BBOX1: variants seen among roughly 807,000 people sequenced by gnomAD.
BBOX1 encodes the protein gamma-butyrobetaine hydroxylase 1.
Under a neutral mutation model 41.6 loss-of-function variants are expected in BBOX1, and 35 were observed. The observed-to-expected ratio is 0.84, with a 90% CI of 0.64 to 1.11. BBOX1 has a LOEUF of 1.11. Among genes scored for constraint, BBOX1 ranks in the 50% most tolerant of loss-of-function variants. BBOX1 has a pLI of 0.00. For missense variants in BBOX1, 458 were observed against 460.6 expected (o/e 0.99, Z 0.05); for synonymous variants, 163 against 154.7 (o/e 1.05, Z -0.40).
At chr11:27,064,925 A>G in intron 4 of BBOX1, among the ~76,000 whole-genome samples, 1 of 151,946 alleles carries the variant, frequency 6.6e-6, no homozygotes, top group East Asian at 1.9e-4. Flanking sequence ...AAACAACAAA[A>G]AAAACATCTC....
intron 6 of BBOX1, among the ~76,000 whole-genome samples, chr11:27,118,182 C>G (rs1241061662): frequency 1.3e-5 from 2 of 151,886 alleles, no homozygotes; most frequent in South Asian, 2.1e-4. Flanking sequence ...TATAAAGAGG[C>G]AAAGAAGTGC....
At chr11:27,109,145 T>C (rs1198805940) in intron 5 of BBOX1, among the ~76,000 whole-genome samples, 2 of 152,074 alleles carry the variant, frequency 1.3e-5, no homozygotes, top group Non-Finnish European at 2.9e-5. Flanking sequence ...TTAAAAATTA[T>C]AACCATCTTC....
chr11:27,057,440 G>A (rs1482626940), intron 4 of BBOX1, 125 bp downstream of exon 4: 4 of 731,728 alleles, frequency 5.5e-6, no homozygotes, highest in Non-Finnish European at 8.9e-6. Context: ...TGTAAATTAT[G>A]TGGTGTATTT....
intron 4 of BBOX1, among the ~76,000 whole-genome samples, chr11:27,083,254 T>C (rs1857914417): frequency 6.6e-6 from 1 of 152,096 alleles, no homozygotes. Context: ...TCTGAAAACC[T>C]TCAGTGTTGG....
At chr11:27,123,213 C>T (rs1168461626) in intron 7 of BBOX1, among the ~76,000 whole-genome samples, 2 of 151,912 alleles carry the variant, frequency 1.3e-5, no homozygotes, top group Non-Finnish European at 2.9e-5. Context: ...CTGTGTTACA[C>T]TATAACACAC....
At chr11:27,085,290 G>C (rs1236009058) in intron 4 of BBOX1, among the ~76,000 whole-genome samples, 1 of 152,068 alleles carries the variant, frequency 6.6e-6, no homozygotes, top group Non-Finnish European at 1.5e-5. Flanking sequence ...CAAATTGAAG[G>C]CTTGTAGCAA....
chr11:27,056,940 C>T (rs1856998257), intron 3 of BBOX1, among the ~76,000 whole-genome samples: 1 of 151,152 alleles, frequency 6.6e-6, no homozygotes, highest in Non-Finnish European at 1.5e-5. Flanking sequence ...GTGTCGCGTG[C>T]CTGTAATCCC....
chr11:27,063,588 A>G (rs1325550218), intron 4 of BBOX1, among the ~76,000 whole-genome samples: 1 of 151,558 alleles, frequency 6.6e-6, no homozygotes, highest in Admixed American at 6.6e-5. Context: ...TGAAGAAAAT[A>G]TTTTATTTCC....
At chr11:27,088,171 G>T (rs572599081) in intron 4 of BBOX1, among the ~76,000 whole-genome samples, 1 of 152,110 alleles carries the variant, frequency 6.6e-6, no homozygotes, top group African/African-American at 2.4e-5. Context: ...TATGTAGTGT[G>T]TGCCCTAATC....
At chr11:27,054,994 G>A (rs1413436211) in intron 2 of BBOX1, among the ~76,000 whole-genome samples, 2 of 152,150 alleles carry the variant, frequency 1.3e-5, no homozygotes, top group Non-Finnish European at 2.9e-5. Flanking sequence ...GTGGGCACCA[G>A]TTAAAATAGG....
intron 3 of BBOX1, 44 bp downstream of exon 3, chr11:27,055,693 T>C: frequency 6.5e-7 from 1 of 1,536,096 alleles, no homozygotes; most frequent in Non-Finnish European, 9.0e-7. Context: ...TCAAGTTCAA[T>C]AATGGGGCTA....
intron 2 of BBOX1, among the ~76,000 whole-genome samples, chr11:27,051,896 C>CT (rs886851588): frequency 1.3e-5 from 2 of 151,610 alleles, no homozygotes. Flanking sequence ...TATTTAAGAT[C>CT]TTTTTTTATT....
chr11:27,115,417 A>T, intron 5 of BBOX1, 35 bp from the exon 6 acceptor site: 1 of 1,548,048 alleles, frequency 6.5e-7, no homozygotes, highest in South Asian at 1.2e-5. Context: ...GCTTAGTGAC[A>T]ACCTGTTTAA....
intron 4 of BBOX1, among the ~76,000 whole-genome samples, chr11:27,091,735 G>C (rs1026328839): frequency 2.6e-5 from 4 of 152,032 alleles, no homozygotes; most frequent in African/African-American, 9.6e-5. Context: ...CCAGTGGCTG[G>C]ATATCACCTC....
At chr11:27,105,759 C>T (rs907816415) in intron 5 of BBOX1, among the ~76,000 whole-genome samples, 4 of 151,956 alleles carry the variant, frequency 2.6e-5, no homozygotes, top group African/African-American at 9.7e-5. Context: ...AGATACTCCT[C>T]GAGAACAGCA....
At chr11:27,104,238 C>T (rs576048807) in intron 5 of BBOX1, among the ~76,000 whole-genome samples, 36 of 152,128 alleles carry the variant, frequency 2.4e-4, no homozygotes, top group Non-Finnish European at 5.1e-4. Context: ...CACATTGCCC[C>T]ACTGCACTGT....
intron 4 of BBOX1, among the ~76,000 whole-genome samples, chr11:27,067,371 T>C (rs1400056569): frequency 6.6e-6 from 1 of 152,054 alleles, no homozygotes; most frequent in African/African-American, 2.4e-5. Context: ...TTCTTACCTC[T>C]TCTCACGCTC....
At position 27,055,098 on chromosome 11, in the gene BBOX1, T is replaced by C. The variant is rs529870842; in HGVS notation, c.-38-295T>C. On this transcript the variant is annotated intron_variant, in intron 2 of 8. Coordinates refer to ENST00000263182, the MANE Select transcript of BBOX1 (RefSeq NM_003986.3). ...GCAAACATAATTATTAAAGTGCATATGTCATTGGTTCTGAACTTAATATCT... is the reference window on the plus strand; with the variant it reads ...GCAAACATAATTATTAAAGTGCATACGTCATTGGTTCTGAACTTAATATCT... 3.3e-5 allele frequency: 7 copies of C among 209,066 alleles called. No homozygotes were observed. In the South Asian group the frequency reaches 8.6e-4, roughly 26 times the overall value. 13.0% of individuals were successfully genotyped at this position (209,066 alleles called of 1,614,324 possible). A position where few individuals can be genotyped will look rare whatever the true frequency, so the allele number is the denominator to read the frequency against.
intron 5 of BBOX1, among the ~76,000 whole-genome samples, chr11:27,108,394 G>A (rs1235414776): frequency 6.6e-6 from 1 of 152,058 alleles, no homozygotes; most frequent in Non-Finnish European, 1.5e-5. Flanking sequence ...CCTATTGATC[G>A]TGCAAACCGC....
Sources: gnomAD v4.1 joint callset for allele counts (sites outside exome capture counted in the v4.1 genomes callset) on GRCh38, gnomAD v4.1.1 for gene constraint, MANE v1.5 for transcripts, NCBI Gene and HGNC (gene_info 2026-07-23, HGNC 2026-07-21) for gene names.